The following BCKDHB variants were observed in gnomAD, a reference collection of about 807,000 sequenced individuals.
The protein encoded by BCKDHB is branched chain keto acid dehydrogenase E1 subunit beta, also known as 2-oxoisovalerate dehydrogenase subunit beta, mitochondrial.
In BCKDHB, 41 loss-of-function variants were observed where a neutral mutation model predicts 48.5. That is an observed-to-expected ratio of 0.85 (90% confidence interval 0.66 to 1.10). The LOEUF (loss-of-function observed/expected upper bound fraction) is 1.10. Ranked by LOEUF, BCKDHB falls within the 50% of genes least tolerant of loss-of-function variation. BCKDHB has a pLI of 0.00. For synonymous variants in BCKDHB, 201 were observed against 174.8 expected (o/e 1.15, Z -1.18); for missense variants, 496 against 494.2 (o/e 1.00, Z -0.03).
Position 80,329,583 on chromosome 6 carries a change from T to G in BCKDHB, c.1039-14081T>G, listed in dbSNP as rs146462824. Among the ~76,000 whole-genome samples, 556 of 152,306 alleles carry G rather than the reference T, an allele frequency of 3.7e-3. 3 individuals carry two copies. The highest frequency in any genetic ancestry group is 0.013 in the African/African-American group (531 of 41,576). The stretch of plus-strand genomic sequence containing the variant: ...TTGCATCTGGTTGTCCCCTGCTTCC[T>G]ACTGCTCCATTGTCCCACTTTGGGT... On this transcript the variant is annotated intron_variant, in intron 9 of 9. Transcript: ENST00000320393.
chr6:80,183,067 G>A (rs1475033152), intron 6 of BCKDHB, among the ~76,000 whole-genome samples: 1 of 151,978 alleles, frequency 6.6e-6, no homozygotes, highest in Non-Finnish European at 1.5e-5. Context: ...ATCTCTGCTT[G>A]TATATATATG....
chr6:80,181,117 C>G (rs2127790923), intron 6 of BCKDHB, among the ~76,000 whole-genome samples: 1 of 152,242 alleles, frequency 6.6e-6, no homozygotes, highest in East Asian at 1.9e-4. Context: ...TATAAATCAT[C>G]CAGTCTTAGG....
intron 8 of BCKDHB, among the ~76,000 whole-genome samples, chr6:80,264,270 G>T (rs1777422879): frequency 6.6e-6 from 1 of 152,156 alleles, no homozygotes; most frequent in Non-Finnish European, 1.5e-5. Context: ...TGTGGTTCAA[G>T]AAATTGTTTT....
chr6:80,298,044 G>C (rs1393215302), intron 9 of BCKDHB, among the ~76,000 whole-genome samples: 1 of 151,880 alleles, frequency 6.6e-6, no homozygotes, highest in Non-Finnish European at 1.5e-5. Flanking sequence ...GGCTGTTAGA[G>C]CTTGAATATA....
chr6:80,153,604 C>T (rs990081723), intron 3 of BCKDHB, among the ~76,000 whole-genome samples: 6 of 152,244 alleles, frequency 3.9e-5, no homozygotes, highest in African/African-American at 1.4e-4. Context: ...ACTATTAAGT[C>T]CTGTTGGTTC....
chr6:80,133,437 G>T (rs991016150), intron 3 of BCKDHB, among the ~76,000 whole-genome samples: 1 of 152,310 alleles, frequency 6.6e-6, no homozygotes, highest in South Asian at 2.1e-4. Flanking sequence ...AATAGTATGA[G>T]TGCTTTGAAA....
chr6:80,370,397 T>G, the BCKDHB span, among the ~76,000 whole-genome samples: 1 of 152,154 alleles, frequency 6.6e-6, no homozygotes, highest in Admixed American at 6.5e-5. Flanking sequence ...TTTCGCTTAT[T>G]TTATTTTATG....
chr6:80,410,278 A>C, the BCKDHB span, among the ~76,000 whole-genome samples: 1 of 152,132 alleles, frequency 6.6e-6, no homozygotes, highest in Non-Finnish European at 1.5e-5. Context: ...ACTGGCCCCC[A>C]CATTCTTCTT....
At chr6:80,295,876 G>T (rs1767212881) in intron 9 of BCKDHB, among the ~76,000 whole-genome samples, 1 of 152,146 alleles carries the variant, frequency 6.6e-6, no homozygotes, top group South Asian at 2.1e-4. Context: ...TATGACACGT[G>T]GGAATTATGG....
At chr6:80,328,254 A>G (rs1270101324) in intron 9 of BCKDHB, among the ~76,000 whole-genome samples, 1 of 152,186 alleles carries the variant, frequency 6.6e-6, no homozygotes, top group Non-Finnish European at 1.5e-5. Context: ...AAAAGGATTC[A>G]GGAAGGGCAT....
At chr6:80,400,553 TAA>T in the BCKDHB span, among the ~76,000 whole-genome samples, 11 of 151,942 alleles carry the variant, frequency 7.2e-5, no homozygotes, top group Non-Finnish European at 1.3e-4. Flanking sequence ...TGGCTATTAG[TAA>T]AAAGTCAAAA....
the BCKDHB span, among the ~76,000 whole-genome samples, chr6:80,435,005 G>A: frequency 6.6e-6 from 1 of 152,140 alleles, no homozygotes; most frequent in South Asian, 2.1e-4. Flanking sequence ...TTGCTATCTT[G>A]GCTTTCTTTA....
At chr6:80,372,149 G>A in the BCKDHB span, among the ~76,000 whole-genome samples, 2 of 151,962 alleles carry the variant, frequency 1.3e-5, no homozygotes, top group African/African-American at 2.4e-5. Context: ...TGTTGTCTAT[G>A]ATTTTTTTAA....
At chr6:80,396,498 T>A in the BCKDHB span, among the ~76,000 whole-genome samples, 3 of 152,138 alleles carry the variant, frequency 2.0e-5, no homozygotes, top group African/African-American at 4.8e-5. Flanking sequence ...GAAGGCATGA[T>A]TGTGTTTTGA....
chr6:80,420,240 T>C, the BCKDHB span, among the ~76,000 whole-genome samples: 1 of 152,234 alleles, frequency 6.6e-6, no homozygotes, highest in African/African-American at 2.4e-5. Flanking sequence ...TCCTTGAAGC[T>C]CTGCATTGCC....
the BCKDHB span, among the ~76,000 whole-genome samples, chr6:80,422,079 G>A: frequency 6.6e-6 from 1 of 152,176 alleles, no homozygotes; most frequent in African/African-American, 2.4e-5. Flanking sequence ...AGAAGTCTAG[G>A]AGGTAAAAAT....
At chr6:80,261,990 T>C (rs1054295053) in intron 8 of BCKDHB, among the ~76,000 whole-genome samples, 4 of 152,174 alleles carry the variant, frequency 2.6e-5, no homozygotes, top group African/African-American at 9.7e-5. Flanking sequence ...ATTTGTTTGC[T>C]GTGGGAATCT....
chr6:80,399,084 T>C, the BCKDHB span, among the ~76,000 whole-genome samples: 1 of 152,022 alleles, frequency 6.6e-6, no homozygotes, highest in African/African-American at 2.4e-5. Context: ...CTAAATAAAC[T>C]AGATATTGAA....
chr6:80,461,334 G>T, the BCKDHB span, among the ~76,000 whole-genome samples: 2 of 151,976 alleles, frequency 1.3e-5, no homozygotes, highest in African/African-American at 4.8e-5. Flanking sequence ...CAATATCCAA[G>T]ACTGTGTCTA....
Sources: allele counts gnomAD v4.1 joint callset (sites outside exome capture counted in the v4.1 genomes callset), GRCh38; gene constraint gnomAD v4.1.1; transcripts MANE v1.5; gene names NCBI Gene and HGNC (gene_info 2026-07-23, HGNC 2026-07-21).